Variants in TMEM247 observed in about 807,000 individuals in gnomAD.
TMEM247 encodes the protein transmembrane protein 247, also known as transmembrane protein ENSP00000343375.
TMEM247 carries 23 observed loss-of-function variants against 20.7 expected under a neutral mutation model. The ratio of observed to expected loss-of-function variants is 1.11; its 90% CI spans 0.80 to 1.57. TMEM247 has a LOEUF of 1.57. Among genes scored for constraint, TMEM247 ranks in the 40% most tolerant of loss-of-function variants. The pLI is 0.00. For missense variants in TMEM247, 354 were observed against 283.8 expected (o/e 1.25, Z -1.78); for synonymous variants, 106 against 111.9 (o/e 0.95, Z 0.33).
chr2:46,484,200 C>T (rs1351478623), intron 2 of TMEM247, 44 bp from the exon 3 acceptor site: 2 of 1,511,832 alleles, frequency 1.3e-6, no homozygotes, highest in South Asian at 2.6e-5. Flanking sequence ...CTGCCTGGCG[C>T]CAACAATGGC....
exon 3 of TMEM247, chr2:46,484,267 C>G: frequency 6.4e-7 from 1 of 1,551,066 alleles, no homozygotes; most frequent in South Asian, 1.2e-5. Flanking sequence ...TCCAGAACTT[C>G]CTGCTGCCCC....
At chr2:46,483,256 T>C (rs1035240870) in intron 2 of TMEM247, among the ~76,000 whole-genome samples, 1 of 152,202 alleles carries the variant, frequency 6.6e-6, no homozygotes, top group Non-Finnish European at 1.5e-5. Context: ...ATGAAGACTG[T>C]TGGGCCCCAG....
intron 2 of TMEM247, among the ~76,000 whole-genome samples, chr2:46,482,828 G>C (rs1686915248): frequency 6.6e-6 from 1 of 152,148 alleles, no homozygotes; most frequent in African/African-American, 2.4e-5. Context: ...AGCATCATCA[G>C]GTCATTTTCT....
rs1415334281 is a variant in TMEM247, at chr2:46,480,539, CGA to C, written c.253_254del (p.Asp85ArgfsTer14). 1.1e-5 allele frequency: 17 copies of C among 1,551,610 alleles called. No individual in the cohort carries two copies. Among genetic ancestry groups the C allele is most frequent in the Non-Finnish European group, 1.5e-5 (17 of 1,147,010 alleles). ...GCCGTGCTACCAAAGGCCAGGCTGG[CGA>C]CGGACCCAAACCCGCAGAGCTGCCC... is the stretch of plus-strand genomic sequence containing the variant. On this transcript the variant is annotated frameshift_variant, in exon 2 of 3. Transcript: ENST00000434431. LOFTEE classifies it high-confidence loss of function.
intron 2 of TMEM247, among the ~76,000 whole-genome samples, chr2:46,483,550 G>A (rs1487293355): frequency 6.6e-6 from 1 of 152,224 alleles, no homozygotes; most frequent in Non-Finnish European, 1.5e-5. Context: ...CACTGTGAGA[G>A]AACACTCCCA....
chr2:46,480,778 A>T lies in TMEM247; in HGVS notation c.477+14A>T. 1 of 1,214,206 alleles carries T rather than the reference A, an allele frequency of 8.2e-7. No individual in the cohort carries two copies. The highest frequency in any genetic ancestry group is 6.6e-5 in the East Asian group (1 of 15,206). The allele number at this position is 1,214,206 out of a possible 1,614,324, so 75.2% of individuals were successfully genotyped here. On this transcript the variant is annotated intron_variant, in intron 2 of 2. Transcript: ENST00000434431. ...GCGCCCCGCCTGGTGGGTGACAAGG[A>T]ACGGGGCACTGGGAGGAGGGAGGCC...
At chr2:46,482,197 T>C (rs1243724903) in intron 2 of TMEM247, among the ~76,000 whole-genome samples, 1 of 152,256 alleles carries the variant, frequency 6.6e-6, no homozygotes, top group Non-Finnish European at 1.5e-5. Flanking sequence ...ATGATTTCAC[T>C]GAACTCAGTC....
At position 46,479,722 on chromosome 2, in the gene TMEM247, T is replaced by C; in HGVS notation, c.117+20T>C. ...TATCTGGTAAGGGGGCTGCTGTGTC[T>C]CACCACCCCCGCCTATTCCGTCAGG... On this transcript the variant is annotated intron_variant, in intron 1 of 2. Coordinates refer to ENST00000434431, the Ensembl canonical transcript of TMEM247. The C allele has an allele frequency of 6.7e-7, 1 of 1,496,192 alleles. No homozygotes were observed. The allele number at this position is 1,496,192 out of a possible 1,614,324, so 92.7% of individuals were successfully genotyped here.
chr2:46,483,496 A>C (rs115093103), intron 2 of TMEM247, among the ~76,000 whole-genome samples: 1,764 of 152,322 alleles, frequency 0.012, 20 homozygotes, highest in Non-Finnish European at 0.014. Flanking sequence ...AAGGGACACC[A>C]TGTCATTGGG....
chr2:46,480,057 C>G (rs1686848409), intron 1 of TMEM247, among the ~76,000 whole-genome samples: 1 of 152,168 alleles, frequency 6.6e-6, no homozygotes, highest in East Asian at 1.9e-4. Context: ...TCCTGAAGAC[C>G]TGGCATCTAA....
At chr2:46,481,591 G>A (rs894429187) in intron 2 of TMEM247, among the ~76,000 whole-genome samples, 1 of 152,094 alleles carries the variant, frequency 6.6e-6, no homozygotes, top group African/African-American at 2.4e-5. Flanking sequence ...TACCTCACAG[G>A]GTTGTTGTCA....
intron 2 of TMEM247, among the ~76,000 whole-genome samples, chr2:46,481,207 C>G (rs1317503698): frequency 1.3e-5 from 2 of 152,194 alleles, no homozygotes; most frequent in African/African-American, 4.8e-5. Context: ...CCCAGAATCC[C>G]CACTGCACCC....
intron 2 of TMEM247, among the ~76,000 whole-genome samples, chr2:46,483,833 G>A (rs1558644502): frequency 6.6e-6 from 1 of 152,154 alleles, no homozygotes; most frequent in East Asian, 1.9e-4. Flanking sequence ...GTCTCACCCA[G>A]GCTGAAGTTA....
At chr2:46,482,333 C>A (rs1349689213) in intron 2 of TMEM247, among the ~76,000 whole-genome samples, 1 of 152,186 alleles carries the variant, frequency 6.6e-6, no homozygotes, top group African/African-American at 2.4e-5. Context: ...TTCTAAGTTC[C>A]ATTTGCAAAC....
rs4953386 is a variant in TMEM247, at chr2:46,484,199, G to A, written c.478-45G>A. 4.1e-3 allele frequency: 6,132 copies of A among 1,508,912 alleles called. 216 individuals carry two copies. In the Admixed American group the frequency reaches 0.071, roughly 17 times the overall value. 93.5% of individuals were successfully genotyped at this position (1,508,912 alleles called of 1,614,324 possible). On this transcript the variant is annotated intron_variant, in intron 2 of 2. Transcript: ENST00000434431. ...AGGACTGAACCTAGATCTGCCTGGCGCCAACAATGGCATCATCATCTCCAC... is the reference window on the plus strand; with the variant it reads ...AGGACTGAACCTAGATCTGCCTGGCACCAACAATGGCATCATCATCTCCAC...
intron 2 of TMEM247, among the ~76,000 whole-genome samples, chr2:46,481,607 C>A (rs1024615647): frequency 6.6e-6 from 1 of 152,184 alleles, no homozygotes; most frequent in African/African-American, 2.4e-5. Flanking sequence ...TGTCAGGAAT[C>A]AATGAGAGAA....
At chr2:46,481,036 A>T (rs76472591) in intron 2 of TMEM247, among the ~76,000 whole-genome samples, 3 of 152,070 alleles carry the variant, frequency 2.0e-5, no homozygotes, top group East Asian at 3.9e-4. Flanking sequence ...CTGAGATGTG[A>T]CTCTCTAAGG....
chr2:46,481,216 C>G (rs1450646180), intron 2 of TMEM247, among the ~76,000 whole-genome samples: 5 of 152,214 alleles, frequency 3.3e-5, no homozygotes, highest in Non-Finnish European at 7.4e-5. Context: ...CCCACTGCAC[C>G]CTGGCCAGTG....
At chr2:46,481,176 A>T (rs1047153635) in intron 2 of TMEM247, among the ~76,000 whole-genome samples, 8 of 152,116 alleles carry the variant, frequency 5.3e-5, no homozygotes, top group African/African-American at 1.7e-4. Flanking sequence ...ATCTCTTAAA[A>T]TTTGATGCCT....
Sources: allele counts gnomAD v4.1 joint callset (sites outside exome capture counted in the v4.1 genomes callset), GRCh38; gene constraint gnomAD v4.1.1; transcripts MANE v1.5; gene names NCBI Gene and HGNC (gene_info 2026-07-23, HGNC 2026-07-21).